SV2B: variants seen among roughly 807,000 people sequenced by gnomAD.
The protein encoded by SV2B is solute carrier family 22 member B2.
In SV2B, 41 loss-of-function variants were observed where a neutral mutation model predicts 73.9. The ratio of observed to expected loss-of-function variants is 0.56; its 90% CI spans 0.43 to 0.72. SV2B has a LOEUF of 0.72. Ranked by LOEUF, SV2B falls within the 30% of genes least tolerant of loss-of-function variation. The pLI, the probability that SV2B is intolerant of heterozygous loss-of-function variation, is 0.00. For missense variants in SV2B, 764 were observed against 857.8 expected, an observed-to-expected ratio of 0.89 and a Z score of 1.37; for synonymous variants, 314 against 314.2, an observed-to-expected ratio of 1.00 and a Z score of 0.01.
chr15:91,149,634 A>G (rs547268535), intron 1 of SV2B, among the ~76,000 whole-genome samples: 1 of 152,306 alleles, frequency 6.6e-6, no homozygotes, highest in Admixed American at 6.5e-5. Flanking sequence ...TGGCACTTAA[A>G]GGGAGGGCAG....
At position 91,214,802 on chromosome 15, in the gene SV2B, C is replaced by T. The variant is rs1438024480; in HGVS notation, c.-391-11071C>T. On this transcript the variant is annotated intron_variant, in intron 1 of 12. Coordinates refer to ENST00000394232, the MANE Select transcript of SV2B (RefSeq NM_001323032.3). The surrounding 1 kb of genome is among the most constrained non-coding windows in gnomAD (Gnocchi z 4.7). The stretch of plus-strand genomic sequence containing the variant: ...CAGTTGTGGGGGGTGTGCTTGACTC[C>T]TTAGTCCATGGCTATAGCCACAGTG... Among the ~76,000 whole-genome samples the T allele has an allele frequency of 1.3e-5, 2 of 152,182 alleles. No homozygotes were observed. The highest frequency in any genetic ancestry group is 4.8e-5 in the African/African-American group (2 of 41,448).
chr15:91,187,482 A>T (rs1432624527), intron 1 of SV2B, among the ~76,000 whole-genome samples: 1 of 152,210 alleles, frequency 6.6e-6, no homozygotes, highest in African/African-American at 2.4e-5. Flanking sequence ...CCTGCTTATG[A>T]AATCAGTGGC....
intron 2 of SV2B, among the ~76,000 whole-genome samples, chr15:91,249,395 C>T (rs1000632996): frequency 6.6e-6 from 1 of 152,154 alleles, no homozygotes; most frequent in African/African-American, 2.4e-5. Context: ...TTATTGAGCA[C>T]CTTTTTTCTC....
chr15:91,207,380 T>A (rs563063253), intron 1 of SV2B, among the ~76,000 whole-genome samples: 3 of 152,140 alleles, frequency 2.0e-5, no homozygotes, highest in African/African-American at 7.2e-5. Context: ...AAGAATACCT[T>A]TGTGGTAGGC....
chr15:91,192,500 A>T (rs1296607043), intron 1 of SV2B, among the ~76,000 whole-genome samples: 1 of 152,212 alleles, frequency 6.6e-6, no homozygotes, highest in Non-Finnish European at 1.5e-5. Flanking sequence ...GTGTAAAATG[A>T]GATAATATCA....
rs762162154 is a variant in SV2B, at chr15:91,226,631, G to A, written c.368G>A (p.Gly123Glu). 1 of 1,614,164 alleles carries A rather than the reference G, an allele frequency of 6.2e-7. No homozygotes were observed. The highest frequency in any genetic ancestry group is 8.5e-7 in the Non-Finnish European group (1 of 1,180,024). ...FVLGLALMAD[G>E]VEVFVVSFAL... ...TTGGGTTTGGCCCTGATGGCCGATG[G>A]GGTGGAAGTGTTCGTGGTGAGTTTT... The change falls in exon 2 of 13, where the codon GGG becomes GAG. Residue 123 changes from glycine to glutamate, a missense_variant. Physicochemically the swap from Gly to Glu is moderately conservative, Grantham distance 98 (BLOSUM62 -2). Transcript: ENST00000394232.
At chr15:91,173,206 T>C (rs2044183555) in intron 1 of SV2B, among the ~76,000 whole-genome samples, 1 of 152,120 alleles carries the variant, frequency 6.6e-6, no homozygotes, top group Non-Finnish European at 1.5e-5. Context: ...CATGGCGACA[T>C]GCCCTAAGGA....
At chr15:91,183,884 ATGT>A (rs1389001113) in intron 1 of SV2B, among the ~76,000 whole-genome samples, 2 of 152,156 alleles carry the variant, frequency 1.3e-5, no homozygotes, top group South Asian at 2.1e-4. Context: ...GCTTTTGAAA[ATGT>A]TGTCATTGTC....
chr15:91,247,648 G>A (rs887965536), intron 2 of SV2B, among the ~76,000 whole-genome samples: 2 of 152,200 alleles, frequency 1.3e-5, no homozygotes, highest in African/African-American at 4.8e-5. Flanking sequence ...GTGCAATGTG[G>A]CCTCTGCTAA....
chr15:91,127,460 C>T (rs747230970), intron 1 of SV2B, among the ~76,000 whole-genome samples: 3 of 152,026 alleles, frequency 2.0e-5, no homozygotes, highest in Non-Finnish European at 2.9e-5. Context: ...CTCCAAGCCC[C>T]CGCACTGACG....
In SV2B at chr15:91,151,633, A is replaced by T. The variant is rs1596481988; in HGVS notation, c.-392+51270A>T. Reference sequence around the variant, plus strand: ...AAAATGAAAATAAAGCTTAAAAGCAAAGCAGTGCTGGGTATAGAGGGGTCT... The same window carrying T: ...AAAATGAAAATAAAGCTTAAAAGCATAGCAGTGCTGGGTATAGAGGGGTCT... On this transcript the variant is annotated intron_variant, in intron 1 of 12. Transcript: ENST00000394232. 2.0e-5 allele frequency among the ~76,000 whole-genome samples: 3 copies of T among 152,368 alleles called. 1 individual carries two copies. The highest frequency in any genetic ancestry group is 6.5e-5 in the Admixed American group (1 of 15,308).
At position 91,252,308 on chromosome 15, in the gene SV2B, C is replaced by T; in HGVS notation, c.633-61C>T. The T allele has an allele frequency of 1.3e-6, 2 of 1,551,046 alleles. No homozygotes were observed. Among genetic ancestry groups the T allele is most frequent in the Non-Finnish European group, 1.7e-6 (2 of 1,146,464 alleles). On this transcript the variant is annotated intron_variant, in intron 3 of 12. Transcript: ENST00000394232. This position sits in a 1 kb window ranked among gnomAD's most constrained non-coding sequence, Gnocchi z 4.6. Reference sequence around the variant, plus strand: ...AGGTGGGGTATAGGCAACTTGGTTTCTGCTGTGACCATTTTTAGTGTATGA... The same window carrying T: ...AGGTGGGGTATAGGCAACTTGGTTTTTGCTGTGACCATTTTTAGTGTATGA...
chr15:91,125,696 G>A (rs1204802770), intron 1 of SV2B, among the ~76,000 whole-genome samples: 2 of 149,588 alleles, frequency 1.3e-5, no homozygotes, highest in Non-Finnish European at 3.0e-5. Context: ...GAATGCTTGA[G>A]CCTGGAAGTT....
intron 1 of SV2B, among the ~76,000 whole-genome samples, chr15:91,198,853 C>T (rs1191011757): frequency 1.3e-5 from 2 of 152,092 alleles, no homozygotes; most frequent in Non-Finnish European, 2.9e-5. Context: ...GGGGCAGGGC[C>T]GTAAACAACA....
chr15:91,216,663 G>A (rs1028966548), intron 1 of SV2B, among the ~76,000 whole-genome samples: 1 of 151,676 alleles, frequency 6.6e-6, no homozygotes, highest in East Asian at 2.0e-4. Flanking sequence ...TAGAGACGGG[G>A]TTTCTCCATG....
intron 1 of SV2B, among the ~76,000 whole-genome samples, chr15:91,142,162 C>T (rs2043014953): frequency 6.6e-6 from 1 of 152,196 alleles, no homozygotes; most frequent in African/African-American, 2.4e-5. Context: ...TCTGCTGATT[C>T]TCAACCCCTG....
intron 1 of SV2B, among the ~76,000 whole-genome samples, chr15:91,222,115 G>T (rs1345880423): frequency 6.6e-6 from 1 of 152,078 alleles, no homozygotes. Flanking sequence ...CCTGCCTTTG[G>T]ACGTCCCCAC....
chr15:91,220,349 G>A lies in SV2B; in HGVS notation c.-391-5524G>A. Among the ~76,000 whole-genome samples, 1 of 152,174 alleles carries A rather than the reference G, an allele frequency of 6.6e-6. No individual in the cohort carries two copies. Among genetic ancestry groups the A allele is most frequent in the Non-Finnish European group, 1.5e-5 (1 of 68,034 alleles). On this transcript the variant is annotated intron_variant, in intron 1 of 12. Transcript: ENST00000394232. This position sits in a 1 kb window ranked among gnomAD's most constrained non-coding sequence, Gnocchi z 4.1. ...TGGGGTCAAGCAGGTTTTTGTTCAGGTCTTCTCATAGCCTTTAATATAGCA... is the reference window on the plus strand; with the variant it reads ...TGGGGTCAAGCAGGTTTTTGTTCAGATCTTCTCATAGCCTTTAATATAGCA...
At chr15:91,270,319 G>A (rs151197164) in intron 9 of SV2B, among the ~76,000 whole-genome samples, 8 of 152,302 alleles carry the variant, frequency 5.3e-5, no homozygotes, top group Non-Finnish European at 8.8e-5. Context: ...TGTGCCAGGT[G>A]CTACCTTAAG....
Sources: allele counts gnomAD v4.1 joint callset (sites outside exome capture counted in the v4.1 genomes callset), GRCh38; gene constraint gnomAD v4.1.1; non-coding constraint Gnocchi (gnomAD v3.1); transcripts MANE v1.5; gene names NCBI Gene and HGNC (gene_info 2026-07-23, HGNC 2026-07-21).